COG6: variants seen among roughly 807,000 people sequenced by gnomAD.
The protein encoded by COG6 is conserved oligomeric Golgi complex subunit 6.
A neutral mutation model predicts 88.8 loss-of-function variants in COG6; 74 were observed. The observed-to-expected ratio is 0.83, with a 90% CI of 0.69 to 1.01. The LOEUF is 1.01. COG6 is among the 50% of genes least tolerant of loss of function. The pLI, the probability that COG6 is intolerant of heterozygous loss-of-function variation, is 0.00. For missense variants in COG6, 800 were observed against 797.9 expected, an observed-to-expected ratio of 1.00 and a Z score of -0.03; for synonymous variants, 286 against 278.7, an observed-to-expected ratio of 1.03 and a Z score of -0.26.
intron 3 of COG6, among the ~76,000 whole-genome samples, chr13:39,663,104 A>G (rs1875014529): frequency 6.6e-6 from 1 of 151,360 alleles, no homozygotes; most frequent in Non-Finnish European, 1.5e-5. Flanking sequence ...ACATGCATTT[A>G]GATGCATATG....
intron 18 of COG6, among the ~76,000 whole-genome samples, chr13:39,777,987 T>G (rs1035870833): frequency 2.6e-5 from 4 of 152,192 alleles, no homozygotes; most frequent in Admixed American, 1.3e-4. Context: ...TTAACATTCA[T>G]GGTATCAGCA....
chr13:39,665,216 A>G (rs572910200), intron 4 of COG6, 62 bp downstream of exon 4: 2 of 847,168 alleles, frequency 2.4e-6, no homozygotes, highest in East Asian at 4.9e-5. Flanking sequence ...AAAGAAAATT[A>G]TATATAACTC....
intron 1 of COG6, among the ~76,000 whole-genome samples, chr13:39,656,541 T>C (rs1178795336): frequency 6.6e-6 from 1 of 152,070 alleles, no homozygotes; most frequent in Non-Finnish European, 1.5e-5. Flanking sequence ...GCTCCTCACA[T>C]ACCCAGCCAT....
chr13:39,771,752 T>C (rs1881323436), intron 18 of COG6, among the ~76,000 whole-genome samples: 1 of 152,230 alleles, frequency 6.6e-6, no homozygotes. Flanking sequence ...AAAGCACATA[T>C]GATCTTATGG....
intron 12 of COG6, among the ~76,000 whole-genome samples, chr13:39,697,584 C>T (rs562408622): frequency 1.8e-4 from 27 of 152,036 alleles, no homozygotes; most frequent in African/African-American, 6.5e-4. Flanking sequence ...TATTTTGGAT[C>T]CAAGCTATTT....
chr13:39,764,800 A>G (rs12863877), intron 18 of COG6, among the ~76,000 whole-genome samples: 1,794 of 152,112 alleles, frequency 0.012, 19 homozygotes, highest in Middle Eastern at 0.024. Flanking sequence ...GTTTTAGTAA[A>G]TTGTTCTTTC....
At chr13:39,665,583 GTTGA>G (rs949780143) in intron 4 of COG6, among the ~76,000 whole-genome samples, 7 of 152,024 alleles carry the variant, frequency 4.6e-5, no homozygotes, top group African/African-American at 1.7e-4. Flanking sequence ...TATACTATTG[GTTGA>G]TTGAATGAAT....
intron 4 of COG6, among the ~76,000 whole-genome samples, chr13:39,666,687 A>T (rs1875292552): frequency 6.6e-6 from 1 of 152,276 alleles, no homozygotes; most frequent in African/African-American, 2.4e-5. Context: ...GTGTAAAGTT[A>T]CTTGTGTAAA....
intron 13 of COG6, among the ~76,000 whole-genome samples, chr13:39,707,880 A>G (rs1878029194): frequency 6.6e-6 from 1 of 152,134 alleles, no homozygotes; most frequent in Non-Finnish European, 1.5e-5. Context: ...GGTGGACATA[A>G]GTTTTTATTT....
At chr13:39,675,651 G>A (rs972147895) in intron 4 of COG6, among the ~76,000 whole-genome samples, 3 of 151,950 alleles carry the variant, frequency 2.0e-5, no homozygotes, top group African/African-American at 7.3e-5. Context: ...AATGATTAAG[G>A]GGTATGATCA....
chr13:39,790,211 C>G (rs1881899318), exon 19 of COG6: 1 of 152,210 alleles, frequency 6.6e-6, no homozygotes, highest in Non-Finnish European at 1.5e-5. Flanking sequence ...GTGGTACAAA[C>G]TTGAACAAAT....
intron 18 of COG6, among the ~76,000 whole-genome samples, chr13:39,782,501 G>A (rs148894293): frequency 2.4e-3 from 364 of 152,266 alleles, no homozygotes; most frequent in African/African-American, 8.3e-3. Context: ...AGGTCAGACA[G>A]GAGTCCTCCC....
chr13:39,724,479 T>G, intron 16 of COG6, 29 bp from the exon 17 acceptor site: 2 of 1,396,780 alleles, frequency 1.4e-6, no homozygotes, highest in Non-Finnish European at 2.0e-6. Flanking sequence ...ACATCTTGGA[T>G]CTGCTTTTTT....
At chr13:39,675,181 C>T (rs904829668) in intron 4 of COG6, among the ~76,000 whole-genome samples, 5 of 152,050 alleles carry the variant, frequency 3.3e-5, no homozygotes, top group African/African-American at 4.8e-5. Context: ...TAATATTTAT[C>T]TCCTATACTT....
At chr13:39,658,809 A>T (rs1050278031) in intron 1 of COG6, among the ~76,000 whole-genome samples, 1 of 152,136 alleles carries the variant, frequency 6.6e-6, no homozygotes, top group Non-Finnish European at 1.5e-5. Flanking sequence ...AGTTTCTCCA[A>T]GTTCTACTTC....
intron 13 of COG6, among the ~76,000 whole-genome samples, chr13:39,718,931 G>A (rs1878688555): frequency 6.6e-6 from 1 of 152,024 alleles, no homozygotes; most frequent in Non-Finnish European, 1.5e-5. Flanking sequence ...AAATAAAACA[G>A]TAGGCCATTT....
intron 18 of COG6, among the ~76,000 whole-genome samples, chr13:39,765,201 T>G (rs1176953332): frequency 6.6e-6 from 1 of 151,866 alleles, no homozygotes; most frequent in African/African-American, 2.4e-5. Context: ...CTCTGATATC[T>G]CTCTCTTTCT....
intron 13 of COG6, among the ~76,000 whole-genome samples, chr13:39,710,318 G>A: frequency 6.6e-6 from 1 of 151,756 alleles, no homozygotes; most frequent in South Asian, 2.1e-4. Context: ...AGTTGATTTT[G>A]ATCGTTGATT....
intron 11 of COG6, among the ~76,000 whole-genome samples, chr13:39,692,387 TTAGTG>T (rs755067098): frequency 3.9e-5 from 6 of 151,944 alleles, no homozygotes; most frequent in Non-Finnish European, 7.4e-5. Context: ...AATAAAAACT[TTAGTG>T]TAGTGTATGC....
Sources: allele counts gnomAD v4.1 joint callset (sites outside exome capture counted in the v4.1 genomes callset), GRCh38; gene constraint gnomAD v4.1.1; transcripts MANE v1.5; gene names NCBI Gene and HGNC (gene_info 2026-07-23, HGNC 2026-07-21).